ZFAT: variants seen among roughly 807,000 people sequenced by gnomAD.
ZFAT encodes zinc finger and AT-hook domain containing.
In ZFAT, 64 loss-of-function variants were observed where a neutral mutation model predicts 117.7. The observed-to-expected ratio is 0.54, with a 90% CI of 0.44 to 0.67. The LOEUF is 0.67. Ranked by LOEUF, ZFAT falls within the 30% of genes least tolerant of loss-of-function variation. The pLI, the probability that ZFAT is intolerant of heterozygous loss-of-function variation, is 0.00. For synonymous variants in ZFAT, 679 were observed against 615.0 expected (o/e 1.10, Z -1.54); for missense variants, 1,433 against 1,584.5 (o/e 0.90, Z 1.62).
intron 3 of ZFAT, among the ~76,000 whole-genome samples, chr8:134,633,033 C>T (rs1446630330): frequency 6.6e-6 from 1 of 152,018 alleles, no homozygotes; most frequent in East Asian, 1.9e-4. Flanking sequence ...ATAATTGATA[C>T]GCACATTCTA....
chr8:134,589,225 G>C (rs1244223974), intron 8 of ZFAT, among the ~76,000 whole-genome samples: 1 of 152,186 alleles, frequency 6.6e-6, no homozygotes, highest in Non-Finnish European at 1.5e-5. Flanking sequence ...GCTCACATTG[G>C]ATCCCATGTC....
intron 3 of ZFAT, among the ~76,000 whole-genome samples, chr8:134,633,454 G>A (rs1335724263): frequency 1.3e-5 from 2 of 152,232 alleles, no homozygotes; most frequent in Non-Finnish European, 2.9e-5. Flanking sequence ...CACCTGAGTA[G>A]TGCTTTTTGA....
chr8:134,670,788 C>A (rs745502133), intron 1 of ZFAT, among the ~76,000 whole-genome samples: 22 of 152,154 alleles, frequency 1.4e-4, no homozygotes, highest in Non-Finnish European at 2.5e-4. Context: ...CACAAAAAAA[C>A]CTTCAAAAAC....
the ZFAT span, among the ~76,000 whole-genome samples, chr8:134,800,833 A>G: frequency 6.6e-6 from 1 of 152,162 alleles, no homozygotes; most frequent in Non-Finnish European, 1.5e-5. Context: ...CAGGCACGCT[A>G]CTATGCCCGG....
chr8:134,641,244 C>T (rs1830561523), intron 2 of ZFAT, among the ~76,000 whole-genome samples: 1 of 152,070 alleles, frequency 6.6e-6, no homozygotes, highest in African/African-American at 2.4e-5. Flanking sequence ...GACACACACA[C>T]CTGCACACAC....
Position 134,497,079 on chromosome 8 carries a change from C to T in ZFAT, c.3492+12540G>A, listed in dbSNP as rs73709611. Among the ~76,000 whole-genome samples the T allele has an allele frequency of 6.8e-3, 1,039 of 152,300 alleles. 4 individuals carry two copies. Among genetic ancestry groups the T allele is most frequent in the African/African-American group, 0.023 (974 of 41,554 alleles). ...TTGCGCCTCCCACAGTCAGCACGGG[C>T]GGGGTAGGTCTTCTTGAAACATCCC... On this transcript the variant is annotated intron_variant, in intron 15 of 15. Transcript: ENST00000377838.
chr8:134,657,116 T>A (rs1563734896), intron 2 of ZFAT, among the ~76,000 whole-genome samples: 1 of 152,242 alleles, frequency 6.6e-6, no homozygotes. Context: ...TCATGTTCTG[T>A]GTGCCAGGCA....
At chr8:134,761,260 C>G in the ZFAT span, among the ~76,000 whole-genome samples, 1 of 152,106 alleles carries the variant, frequency 6.6e-6, no homozygotes, top group Non-Finnish European at 1.5e-5. Flanking sequence ...CAGGCACAAC[C>G]AAGACCTTCA....
chr8:134,799,119 T>G, the ZFAT span, among the ~76,000 whole-genome samples: 2 of 152,168 alleles, frequency 1.3e-5, no homozygotes, highest in Non-Finnish European at 2.9e-5. Context: ...AATTAACAAA[T>G]TATTCATTAA....
chr8:134,585,596 C>A (rs1370525953), intron 9 of ZFAT, among the ~76,000 whole-genome samples: 5 of 152,206 alleles, frequency 3.3e-5, no homozygotes, highest in African/African-American at 1.2e-4. Flanking sequence ...CCATTAACAT[C>A]TTTGCCCACC....
chr8:134,544,554 C>T (rs1822548949), intron 11 of ZFAT, among the ~76,000 whole-genome samples: 1 of 151,586 alleles, frequency 6.6e-6, no homozygotes, highest in African/African-American at 2.4e-5. Context: ...CCAAAAATGA[C>T]CCACACTTAA....
chr8:134,803,863 T>C, the ZFAT span, among the ~76,000 whole-genome samples: 1 of 152,216 alleles, frequency 6.6e-6, no homozygotes, highest in Admixed American at 6.5e-5. Flanking sequence ...AAAATAAGCA[T>C]GTAAATACAT....
At chr8:134,735,368 A>G in the ZFAT span, among the ~76,000 whole-genome samples, 5 of 152,224 alleles carry the variant, frequency 3.3e-5, no homozygotes, top group Non-Finnish European at 7.3e-5. Context: ...CATGGGAAGT[A>G]GCAGCATTGA....
chr8:134,701,489 T>C (rs1023283031), intron 1 of ZFAT, among the ~76,000 whole-genome samples: 1 of 152,248 alleles, frequency 6.6e-6, no homozygotes, highest in Non-Finnish European at 1.5e-5. Flanking sequence ...AAATATCTCT[T>C]TGAGACTCTG....
At chr8:134,481,050 A>G (rs1817270990) in intron 15 of ZFAT, among the ~76,000 whole-genome samples, 1 of 152,224 alleles carries the variant, frequency 6.6e-6, no homozygotes, top group African/African-American at 2.4e-5. Context: ...AGTGGAAACT[A>G]TCAATACATT....
At chr8:134,549,622 C>A (rs1283215945) in intron 11 of ZFAT, among the ~76,000 whole-genome samples, 1 of 151,984 alleles carries the variant, frequency 6.6e-6, no homozygotes. Flanking sequence ...CAGTGGGCAA[C>A]TCAAAAAAAA....
chr8:134,774,993 C>T, the ZFAT span, among the ~76,000 whole-genome samples: 1 of 152,346 alleles, frequency 6.6e-6, no homozygotes. Flanking sequence ...TGGCGTATGC[C>T]TGTAGTCCCA....
At chr8:134,624,057 C>A (rs1402595831) in intron 3 of ZFAT, among the ~76,000 whole-genome samples, 1 of 152,202 alleles carries the variant, frequency 6.6e-6, no homozygotes, top group Non-Finnish European at 1.5e-5. Context: ...TCAGCAACCA[C>A]TCCATGCCTG....
At chr8:134,604,360 C>T (rs11774218) in intron 5 of ZFAT, among the ~76,000 whole-genome samples, 5 of 152,198 alleles carry the variant, frequency 3.3e-5, no homozygotes, top group Middle Eastern at 3.4e-3. Flanking sequence ...ATCACTGACA[C>T]GCAGCGACCC....
Sources: allele counts gnomAD v4.1 joint callset (sites outside exome capture counted in the v4.1 genomes callset), GRCh38; gene constraint gnomAD v4.1.1; transcripts MANE v1.5; gene names NCBI Gene and HGNC (gene_info 2026-07-23, HGNC 2026-07-21).